P2RY1: variants seen among roughly 807,000 people sequenced by gnomAD.
P2RY1 encodes the protein P2Y purinoceptor 1.
Under a neutral mutation model 22.8 loss-of-function variants are expected in P2RY1, and 14 were observed. That is an observed-to-expected ratio of 0.61 (90% confidence interval 0.41 to 0.96). The LOEUF is 0.96. P2RY1 is among the 40% of genes least tolerant of loss of function. The pLI, the probability that P2RY1 is intolerant of heterozygous loss-of-function variation, is 0.00. For synonymous variants in P2RY1, 200 were observed against 195.1 expected (o/e 1.03, Z -0.21); for missense variants, 395 against 470.3 (o/e 0.84, Z 1.48).
At position 152,836,189 on chromosome 3, in the gene P2RY1, A is replaced by G. The variant is rs779398688; in HGVS notation, c.407A>G (p.Tyr136Cys). 2.5e-5 allele frequency: 40 copies of G among 1,614,064 alleles called. No homozygotes were observed. Among genetic ancestry groups the G allele is most frequent in the Non-Finnish European group, 2.7e-5 (32 of 1,180,036 alleles). The change falls in exon 1 of 1, where the codon TAT (tyrosine) becomes TGT (cysteine). Residue 136 changes from tyrosine (Y) to cysteine (C), a missense_variant. Physicochemically the swap from Tyr to Cys is radical, Grantham distance 194. Transcript: ENST00000305097. This position sits in a 1 kb window ranked among gnomAD's most constrained non-coding sequence, Gnocchi z 5.6. ...AGGTTCATCTTTCATGTGAACCTCTATGGCAGCATCTTGTTTCTGACATGC... is the reference window on the plus strand; with the variant it reads ...AGGTTCATCTTTCATGTGAACCTCTGTGGCAGCATCTTGTTTCTGACATGC... ...LQRFIFHVNL[Y>C]GSILFLTCIS...
rs1716146384 is a variant in P2RY1, at chr3:152,835,998, C to G, written c.216C>G (p.Ala72=). The G allele has an allele frequency of 6.2e-7, 1 of 1,614,212 alleles. No homozygotes were observed. The highest frequency in any genetic ancestry group is 8.5e-7 in the Non-Finnish European group (1 of 1,180,032). The part of the protein sequence containing the change: ...FIIGFLGNSV[A]IWMFVFHMKP... ...TCGGCTTCCTGGGCAACAGCGTGGC[C>G]ATCTGGATGTTCGTCTTCCACATGA... Residue 72 remains alanine (A), a synonymous_variant, in exon 1 of 1, where the codon GCC becomes GCG. Coordinates refer to ENST00000305097, the MANE Select transcript of P2RY1 (RefSeq NM_002563.5).
rs1440404008 is a variant in P2RY1, at chr3:152,836,170, A to G, written c.388A>G (p.Ile130Val). The change falls in exon 1 of 1, where the codon ATC becomes GTC. Residue 130 changes from isoleucine (I) to valine (V), a missense_variant. Ile to Val is a conservative substitution (Grantham distance 29). Transcript: ENST00000305097. This position sits in a 1 kb window ranked among gnomAD's most constrained non-coding sequence, Gnocchi z 5.6. ...GDAMCKLQRF[I>V]FHVNLYGSIL... ...TGCCATGTGTAAACTGCAGAGGTTC[A>G]TCTTTCATGTGAACCTCTATGGCAG... The G allele has an allele frequency of 6.2e-7, 1 of 1,614,198 alleles. No homozygotes were observed. Among genetic ancestry groups the G allele is most frequent in the Non-Finnish European group, 8.5e-7 (1 of 1,180,028 alleles).
In P2RY1 at chr3:152,835,612, G is replaced by T; in HGVS notation, c.-171G>T. ...GGATTTCATGGCCCGCGGCGAACGC[G>T]GGGCCAGAGCTGGCGTGGGCGAGCC... is the stretch of plus-strand genomic sequence containing the variant. On this transcript the variant is annotated 5_prime_UTR_variant, in exon 1 of 1. Coordinates refer to ENST00000305097, the MANE Select transcript of P2RY1 (RefSeq NM_002563.5). 3.2e-6 allele frequency: 2 copies of T among 626,030 alleles called. No individual in the cohort carries two copies. Among genetic ancestry groups the T allele is most frequent in the Admixed American group, 3.5e-5 (1 of 28,534 alleles). The allele number at this position is 626,030 out of a possible 1,614,324, so 38.8% of individuals were successfully genotyped here.
Position 152,838,664 on chromosome 3 carries a change from A to T in P2RY1, c.*1760A>T, listed in dbSNP as rs1442196126. ...TGAGGATTTGTGAGACCTTCAGAGT[A>T]GCTTCACTTTACCCAATCTCTGGCC... On this transcript the variant is annotated 3_prime_UTR_variant, in exon 1 of 1. Coordinates refer to ENST00000305097, the MANE Select transcript of P2RY1 (RefSeq NM_002563.5). The T allele has an allele frequency of 2.0e-5, 3 of 152,188 alleles. No homozygotes were observed. Among genetic ancestry groups the T allele is most frequent in the Non-Finnish European group, 4.4e-5 (3 of 68,020 alleles). The allele number at this position is 152,188 out of a possible 1,614,324, so 9.4% of individuals were successfully genotyped here.
rs1296393977 is a variant in P2RY1 at position 152,837,179 on chromosome 3, A to G, written c.*275A>G. On this transcript the variant is annotated 3_prime_UTR_variant, in exon 1 of 1. Transcript: ENST00000305097. ...TTTCTCTTTTGCCTTTAAAATGTGC[A>G]GGCTTTTCTGTTTAAAGTGTGTGTG... 3 of 369,160 alleles carry G rather than the reference A, an allele frequency of 8.1e-6. No individual in the cohort carries two copies. Among genetic ancestry groups the G allele is most frequent in the African/African-American group, 6.3e-5 (3 of 47,866 alleles). The allele number at this position is 369,160 out of a possible 1,614,324, so 22.9% of individuals were successfully genotyped here.
At position 152,837,789 on chromosome 3, in the gene P2RY1, T is replaced by C. The variant is rs1223428878; in HGVS notation, c.*885T>C. Reference sequence around the variant, plus strand: ...ACATCTGTAAAAACAATTTTAAGAATTGCAAATAAATTACAGACCAAAGAT... The same window carrying C: ...ACATCTGTAAAAACAATTTTAAGAACTGCAAATAAATTACAGACCAAAGAT... On this transcript the variant is annotated 3_prime_UTR_variant, in exon 1 of 1. Transcript: ENST00000305097. The C allele has an allele frequency of 6.0e-6, 1 of 167,076 alleles. No homozygotes were observed. The highest frequency in any genetic ancestry group is 1.5e-5 in the Non-Finnish European group (1 of 68,128). The allele number at this position is 167,076 out of a possible 1,614,324, so 10.3% of individuals were successfully genotyped here. A position where few individuals can be genotyped will look rare whatever the true frequency, so the allele number is the denominator to read the frequency against.
In P2RY1 at chr3:152,835,397, G is replaced by T. The variant is rs993323409; in HGVS notation, c.-386G>T. The T allele has an allele frequency of 8.5e-6, 2 of 236,028 alleles. No homozygotes were observed. Among genetic ancestry groups the T allele is most frequent in the Admixed American group, 1.1e-4 (2 of 18,544 alleles). 14.6% of individuals were successfully genotyped at this position (236,028 alleles called of 1,614,324 possible). ...CCTCCCCAAGCTAGAGCCCTGCAGAGCGAGTTTCCCTTGACCTCGCTGCGC... is the reference window on the plus strand; with the variant it reads ...CCTCCCCAAGCTAGAGCCCTGCAGATCGAGTTTCCCTTGACCTCGCTGCGC... On this transcript the variant is annotated 5_prime_UTR_variant, in exon 1 of 1. Transcript: ENST00000305097.
In P2RY1 at chr3:152,840,145, A is replaced by G. The variant is rs1172607740; in HGVS notation, c.*3241A>G. On this transcript the variant is annotated 3_prime_UTR_variant, in exon 1 of 1. Transcript: ENST00000305097. ...TAAATTATATTTATTACAATGTATG[A>G]TATTAATGTGTCAAACTGGTGTATT... is the stretch of plus-strand genomic sequence containing the variant. 1 of 152,220 alleles carries G rather than the reference A, an allele frequency of 6.6e-6. No homozygotes were observed. The highest frequency in any genetic ancestry group is 1.5e-5 in the Non-Finnish European group (1 of 68,026). 9.4% of individuals were successfully genotyped at this position (152,220 alleles called of 1,614,324 possible). A position where few individuals can be genotyped will look rare whatever the true frequency, so the allele number is the denominator to read the frequency against.
Position 152,835,732 on chromosome 3 carries a change from T to A in P2RY1, c.-51T>A. On this transcript the variant is annotated 5_prime_UTR_variant, in exon 1 of 1. Transcript: ENST00000305097. ...GCTGCGCCCCTGGCCGCCGCTGCCCTCTCGCCGCCTCCTACCCCTCGGAGC... is the reference window on the plus strand; with the variant it reads ...GCTGCGCCCCTGGCCGCCGCTGCCCACTCGCCGCCTCCTACCCCTCGGAGC... The A allele has an allele frequency of 6.6e-7, 1 of 1,506,244 alleles. No homozygotes were observed. The highest frequency in any genetic ancestry group is 8.8e-7 in the Non-Finnish European group (1 of 1,132,942). The allele number at this position is 1,506,244 out of a possible 1,614,324, so 93.3% of individuals were successfully genotyped here.
rs1246857632 is a variant in P2RY1 at position 152,837,681 on chromosome 3, T to G, written c.*777T>G. ...TAAACACCATGAGCTCTCTTAGACA[T>G]CTTGTGATAAAGAGCATTTACTTGC... On this transcript the variant is annotated 3_prime_UTR_variant, in exon 1 of 1. Transcript: ENST00000305097. The G allele has an allele frequency of 1.2e-5, 2 of 167,102 alleles. No homozygotes were observed. The highest frequency in any genetic ancestry group is 2.9e-5 in the Non-Finnish European group (2 of 68,112). 10.4% of individuals were successfully genotyped at this position (167,102 alleles called of 1,614,324 possible).
In P2RY1 at chr3:152,836,874, G is replaced by A. The variant is rs769145376; in HGVS notation, c.1092G>A (p.Glu364=). The stretch of plus-strand genomic sequence containing the variant: ...ACATGACCCTCAATATTTTACCTGA[G>A]TTCAAGCAGAATGGAGATACAAGCC... ...SEDMTLNILP[E]FKQNGDTSL The change falls in exon 1 of 1, where the codon GAG becomes GAA. Residue 364 remains glutamate, a synonymous_variant. Coordinates refer to ENST00000305097, the MANE Select transcript of P2RY1 (RefSeq NM_002563.5). The surrounding 1 kb of genome is among the most constrained non-coding windows in gnomAD (Gnocchi z 5.6). 2 of 1,611,470 alleles carry A rather than the reference G, an allele frequency of 1.2e-6. No individual in the cohort carries two copies. Among genetic ancestry groups the A allele is most frequent in the Non-Finnish European group, 1.7e-6 (2 of 1,178,956 alleles).
rs770513134 is a variant in P2RY1, at chr3:152,836,700, T to C, written c.918T>C (p.Tyr306=). The change falls in exon 1 of 1, where the codon TAT becomes TAC. Residue 306 remains tyrosine (Y), a synonymous_variant. Coordinates refer to ENST00000305097, the MANE Select transcript of P2RY1 (RefSeq NM_002563.5). The surrounding 1 kb of genome is among the most constrained non-coding windows in gnomAD (Gnocchi z 5.6). ...CAFNDRVYAT[Y]QVTRGLASLN... is the part of the protein sequence containing the mutation. ...TCAATGACAGGGTTTATGCCACGTATCAGGTGACAAGAGGTCTAGCAAGTC... is the reference window on the plus strand; with the variant it reads ...TCAATGACAGGGTTTATGCCACGTACCAGGTGACAAGAGGTCTAGCAAGTC... The C allele has an allele frequency of 6.2e-7, 1 of 1,614,158 alleles. No individual in the cohort carries two copies. Among genetic ancestry groups the C allele is most frequent in the Admixed American group, 1.7e-5 (1 of 60,030 alleles).
rs1338754588 is a variant in P2RY1 at position 152,840,723 on chromosome 3, G to C, written c.*3819G>C. On this transcript the variant is annotated 3_prime_UTR_variant, in exon 1 of 1. Coordinates refer to ENST00000305097, the MANE Select transcript of P2RY1 (RefSeq NM_002563.5). ...TTTGTGTTGCTTCTTCTTAAGGTGAGATAGCATAATCTTAACTGTTTTGAG... is the reference window on the plus strand; with the variant it reads ...TTTGTGTTGCTTCTTCTTAAGGTGACATAGCATAATCTTAACTGTTTTGAG... 6.6e-6 allele frequency: 1 copy of C among 152,094 alleles called. No homozygotes were observed. Among genetic ancestry groups the C allele is most frequent in the East Asian group, 1.9e-4 (1 of 5,194 alleles). The allele number at this position is 152,094 out of a possible 1,614,324, so 9.4% of individuals were successfully genotyped here. A position where few individuals can be genotyped will look rare whatever the true frequency, so the allele number is the denominator to read the frequency against.
rs536177789 is a variant in P2RY1, at chr3:152,838,453, G to A, written c.*1549G>A. On this transcript the variant is annotated 3_prime_UTR_variant, in exon 1 of 1. Coordinates refer to ENST00000305097, the MANE Select transcript of P2RY1 (RefSeq NM_002563.5). ...GTCAAAGGAATTTTTAGTTTTGGAA[G>A]CTATCCCTCATAAAGTCAACATCAG... The A allele has an allele frequency of 3.9e-5, 6 of 152,310 alleles. No individual in the cohort carries two copies. In the East Asian group the frequency reaches 1.2e-3, roughly 29 times the overall value. The allele number at this position is 152,310 out of a possible 1,614,324, so 9.4% of individuals were successfully genotyped here.
In P2RY1 at chr3:152,840,836, T is replaced by C. The variant is rs1385289853; in HGVS notation, c.*3932T>C. 2.0e-5 allele frequency: 3 copies of C among 152,182 alleles called. No individual in the cohort carries two copies. Among genetic ancestry groups the C allele is most frequent in the Non-Finnish European group, 4.4e-5 (3 of 68,010 alleles). 9.4% of individuals were successfully genotyped at this position (152,182 alleles called of 1,614,324 possible). On this transcript the variant is annotated 3_prime_UTR_variant, in exon 1 of 1. Coordinates refer to ENST00000305097, the MANE Select transcript of P2RY1 (RefSeq NM_002563.5). ...TTTTTTGTTTAGTTGATAACTTAAA[T>C]TCCAAGTTTCATAGTGATAATTGTA...
rs761404476 is a variant in P2RY1, at chr3:152,836,511, T to G, written c.729T>G (p.Ala243=). ...ILGCYGLIVR[A]LIYKDLDNSP... is the part of the protein sequence containing the mutation. Reference sequence around the variant, plus strand: ...GCTGTTACGGATTAATTGTGAGAGCTTTGATTTACAAAGATCTGGACAACT... The same window carrying G: ...GCTGTTACGGATTAATTGTGAGAGCGTTGATTTACAAAGATCTGGACAACT... The change falls in exon 1 of 1, where the codon GCT becomes GCG. Residue 243 remains alanine, a synonymous_variant. Transcript: ENST00000305097. The surrounding 1 kb of genome is among the most constrained non-coding windows in gnomAD (Gnocchi z 5.6). 1 of 1,614,206 alleles carries G rather than the reference T, an allele frequency of 6.2e-7. No individual in the cohort carries two copies. The highest frequency in any genetic ancestry group is 8.5e-7 in the Non-Finnish European group (1 of 1,180,028).
chr3:152,837,189 G>A lies in P2RY1; in HGVS notation c.*285G>A, dbSNP rs1414812695. 1 of 338,126 alleles carries A rather than the reference G, an allele frequency of 3.0e-6. No individual in the cohort carries two copies. Among genetic ancestry groups the A allele is most frequent in the Non-Finnish European group, 5.6e-6 (1 of 177,690 alleles). 20.9% of individuals were successfully genotyped at this position (338,126 alleles called of 1,614,324 possible). ...GCCTTTAAAATGTGCAGGCTTTTCT[G>A]TTTAAAGTGTGTGTGCACATGAGTA... On this transcript the variant is annotated 3_prime_UTR_variant, in exon 1 of 1. Coordinates refer to ENST00000305097, the MANE Select transcript of P2RY1 (RefSeq NM_002563.5).
rs1484320374 is a variant in P2RY1, at chr3:152,835,672, C to T, written c.-111C>T. Reference sequence around the variant, plus strand: ...CCCCTCCCGCGGGGATCCAGTTCGCCTGCTCCCTTCCGCTCGCTGGCTTTT... The same window carrying T: ...CCCCTCCCGCGGGGATCCAGTTCGCTTGCTCCCTTCCGCTCGCTGGCTTTT... On this transcript the variant is annotated 5_prime_UTR_variant, in exon 1 of 1. Transcript: ENST00000305097. 1.0e-5 allele frequency: 11 copies of T among 1,100,154 alleles called. No homozygotes were observed. The highest frequency in any genetic ancestry group is 1.3e-5 in the Non-Finnish European group (10 of 791,182). The allele number at this position is 1,100,154 out of a possible 1,614,324, so 68.1% of individuals were successfully genotyped here. A position where few individuals can be genotyped will look rare whatever the true frequency, so the allele number is the denominator to read the frequency against.
Position 152,837,978 on chromosome 3 carries a change from T to A in P2RY1, c.*1074T>A, listed in dbSNP as rs1716211790. On this transcript the variant is annotated 3_prime_UTR_variant, in exon 1 of 1. Transcript: ENST00000305097. Reference sequence around the variant, plus strand: ...GCAGAAGACATTTTAGAATGAGGGCTTTAGTTTAAATTAAAGTCATGGTGG... The same window carrying A: ...GCAGAAGACATTTTAGAATGAGGGCATTAGTTTAAATTAAAGTCATGGTGG... 1 of 167,072 alleles carries A rather than the reference T, an allele frequency of 6.0e-6. No homozygotes were observed. The highest frequency in any genetic ancestry group is 1.5e-5 in the Non-Finnish European group (1 of 68,110). 10.3% of individuals were successfully genotyped at this position (167,072 alleles called of 1,614,324 possible).
Sources: gnomAD v4.1 joint callset for allele counts on GRCh38, gnomAD v4.1.1 for gene constraint, Gnocchi (gnomAD v3.1) non-coding constraint, MANE v1.5 for transcripts, NCBI Gene and HGNC (gene_info 2026-07-23, HGNC 2026-07-21) for gene names.